The following SHB variants were observed in gnomAD, a reference collection of about 807,000 sequenced individuals.
The protein encoded by SHB is SH2 domain-containing adapter protein B.
SHB carries 20 observed loss-of-function variants against 52.3 expected under a neutral mutation model. That is an observed-to-expected ratio of 0.38 (90% CI 0.27 to 0.56). SHB has a LOEUF of 0.56. Among genes scored for constraint, SHB ranks in the 20% least tolerant of loss-of-function variants. The pLI, the probability that SHB is intolerant of heterozygous loss-of-function variation, is 0.71. For synonymous variants in SHB, 397 were observed against 316.5 expected, an observed-to-expected ratio of 1.25 and a Z score of -2.70; for missense variants, 825 against 723.3, an observed-to-expected ratio of 1.14 and a Z score of -1.61.
chr9:37,974,053 G>A (rs1042606083), intron 3 of SHB, among the ~76,000 whole-genome samples: 8 of 152,182 alleles, frequency 5.3e-5, no homozygotes, highest in Non-Finnish European at 1.2e-4. Context: ...TCAGGAGTTT[G>A]ACAGCAGCCT....
At chr9:37,942,271 T>C (rs1031154223) in intron 5 of SHB, among the ~76,000 whole-genome samples, 1 of 152,174 alleles carries the variant, frequency 6.6e-6, no homozygotes, top group African/African-American at 2.4e-5. Flanking sequence ...CATCAAGCAA[T>C]CTGAAGGACA....
chr9:38,006,318 G>A (rs543585698), intron 2 of SHB, among the ~76,000 whole-genome samples: 5 of 152,264 alleles, frequency 3.3e-5, no homozygotes, highest in East Asian at 3.9e-4. Context: ...CTCCCAGGCG[G>A]GCCTGTTTTC....
chr9:37,932,057 GA>G (rs1832317245), intron 5 of SHB, among the ~76,000 whole-genome samples: 1 of 152,034 alleles, frequency 6.6e-6, no homozygotes, highest in Admixed American at 6.6e-5. Context: ...CAAGGTGGGT[GA>G]ATCACCTGAG....
At chr9:37,959,191 GTGAGTCCGGGATAAC>G (rs1251047784) in intron 3 of SHB, among the ~76,000 whole-genome samples, 5 of 152,146 alleles carry the variant, frequency 3.3e-5, no homozygotes, top group Non-Finnish European at 4.4e-5. Context: ...ACTTGTGGGA[GTGAGTCCGGGATAAC>G]TGCTGTGTGA....
chr9:37,983,708 T>C (rs1396196463), intron 2 of SHB, among the ~76,000 whole-genome samples: 1 of 152,212 alleles, frequency 6.6e-6, no homozygotes. Context: ...ACCTCTATTC[T>C]GCCAGTGGTA....
chr9:37,957,256 G>A (rs1021811472), intron 3 of SHB, among the ~76,000 whole-genome samples: 7 of 152,178 alleles, frequency 4.6e-5, no homozygotes, highest in Non-Finnish European at 1.0e-4. Context: ...TAACCAGCAA[G>A]CATGATTGTG....
chr9:38,065,306 C>T (rs1329135326), intron 1 of SHB, among the ~76,000 whole-genome samples: 2 of 152,182 alleles, frequency 1.3e-5, no homozygotes, highest in Non-Finnish European at 2.9e-5. Context: ...TAGCCACACA[C>T]AGATGGCAGA....
At chr9:37,981,620 A>G (rs1476437081) in intron 2 of SHB, among the ~76,000 whole-genome samples, 1 of 152,204 alleles carries the variant, frequency 6.6e-6, no homozygotes, top group Admixed American at 6.5e-5. Context: ...CGGTGCAAGA[A>G]GCCTACCTTT....
intron 2 of SHB, among the ~76,000 whole-genome samples, chr9:37,990,021 C>T (rs1334809015): frequency 6.6e-6 from 1 of 152,174 alleles, no homozygotes; most frequent in Admixed American, 6.5e-5. Flanking sequence ...AGCCCCTGCT[C>T]AGGGCCCTGA....
At chr9:37,931,794 G>A (rs143048968) in intron 5 of SHB, among the ~76,000 whole-genome samples, 25 of 152,292 alleles carry the variant, frequency 1.6e-4, no homozygotes, top group African/African-American at 6.0e-4. Flanking sequence ...TGCACTCCAT[G>A]TTTACAGCAG....
chr9:37,963,254 C>T (rs1173161953), intron 3 of SHB, among the ~76,000 whole-genome samples: 1 of 152,234 alleles, frequency 6.6e-6, no homozygotes, highest in Non-Finnish European at 1.5e-5. Context: ...CAAGCTCTGA[C>T]TGTCTGGCTG....
intron 2 of SHB, among the ~76,000 whole-genome samples, chr9:37,977,248 G>T (rs1326230176): frequency 6.6e-6 from 1 of 152,144 alleles, no homozygotes; most frequent in Non-Finnish European, 1.5e-5. Flanking sequence ...AGCAAGGTAG[G>T]TGCTGATGCC....
At chr9:37,923,271 C>T (rs575326268) in intron 5 of SHB, among the ~76,000 whole-genome samples, 1 of 152,354 alleles carries the variant, frequency 6.6e-6, no homozygotes, top group East Asian at 1.9e-4. Context: ...CCCCTCCACG[C>T]TGATCTTCCG....
chr9:37,949,629 C>T (rs1003757571), intron 4 of SHB, among the ~76,000 whole-genome samples: 3 of 152,038 alleles, frequency 2.0e-5, no homozygotes, highest in East Asian at 1.9e-4. Context: ...CAAGACGTCC[C>T]GAAATGGGGC....
chr9:38,040,558 A>C (rs1189745466), intron 1 of SHB, among the ~76,000 whole-genome samples: 1 of 152,136 alleles, frequency 6.6e-6, no homozygotes, highest in East Asian at 1.9e-4. Flanking sequence ...ACCAACAGCA[A>C]GCGAGTGGGC....
At chr9:37,929,786 T>A (rs1832292757) in intron 5 of SHB, among the ~76,000 whole-genome samples, 4 of 152,240 alleles carry the variant, frequency 2.6e-5, no homozygotes, top group Admixed American at 2.0e-4. Context: ...TAAGGCACAC[T>A]GTTGCACACA....
At chr9:37,948,461 A>G (rs1832519847) in intron 5 of SHB, among the ~76,000 whole-genome samples, 174 bp downstream of exon 5, 3 of 152,106 alleles carry the variant, frequency 2.0e-5, no homozygotes, top group Admixed American at 2.0e-4. Context: ...TGAACATAAA[A>G]ACTCCTCTGT....
rs1263886551 is a variant in SHB at position 37,916,200 on chromosome 9, T to A, written c.*3621A>T. On this transcript the variant is annotated 3_prime_UTR_variant, in exon 6 of 6. Coordinates refer to ENST00000377707, the MANE Select transcript of SHB (RefSeq NM_003028.3). ...ACTCCCTCTGGATGGCTTGCCGAAT[T>A]TGGTCTTCGCTGATCACCAATTCTG... Among the ~76,000 whole-genome samples the A allele has an allele frequency of 6.6e-6, 1 of 152,244 alleles. No individual in the cohort carries two copies. Among genetic ancestry groups the A allele is most frequent in the East Asian group, 1.9e-4 (1 of 5,194 alleles).
intron 1 of SHB, among the ~76,000 whole-genome samples, chr9:38,064,389 G>C (rs1821934375): frequency 6.6e-6 from 1 of 151,980 alleles, no homozygotes; most frequent in Non-Finnish European, 1.5e-5. Flanking sequence ...CCCAAACAAG[G>C]CCCAGCTGCA....
Sources: gnomAD v4.1 joint callset for allele counts (sites outside exome capture counted in the v4.1 genomes callset) on GRCh38, gnomAD v4.1.1 for gene constraint, MANE v1.5 for transcripts, NCBI Gene and HGNC (gene_info 2026-07-23, HGNC 2026-07-21) for gene names.